SLC35D1: variants seen among roughly 807,000 people sequenced by gnomAD.
SLC35D1 encodes solute carrier family 35 member D1.
A neutral mutation model predicts 46.7 loss-of-function variants in SLC35D1; 31 were observed. The observed-to-expected ratio is 0.66, with a 90% CI of 0.50 to 0.90. The LOEUF (loss-of-function observed/expected upper bound fraction) is 0.90. Among genes scored for constraint, SLC35D1 ranks in the 40% least tolerant of loss-of-function variants. SLC35D1 has a pLI of 0.00. For synonymous variants in SLC35D1, 195 were observed against 164.6 expected (o/e 1.18, Z -1.41); for missense variants, 397 against 426.2 (o/e 0.93, Z 0.60).
At position 67,036,710 on chromosome 1, in the gene SLC35D1, C is replaced by CT. The variant is rs56674117; in HGVS notation, c.729+5525dup. Among the ~76,000 whole-genome samples, 182 of 144,448 alleles carry CT rather than the reference C, an allele frequency of 1.3e-3. 1 individual carries two copies. The East Asian group carries it at 0.02, about 16-fold the overall frequency. 94.8% of individuals were successfully genotyped at this position (144,448 alleles called of 152,430 possible). Reference sequence around the variant, plus strand: ...TCTTGTAAGCAACAGATCACTGGGTCTTTTTTTTTTTTTCTTTTTTTATCC... The same window carrying CT: ...TCTTGTAAGCAACAGATCACTGGGTCTTTTTTTTTTTTTTCTTTTTTTATCC... On this transcript the variant is annotated intron_variant, in intron 8 of 11. Coordinates refer to ENST00000235345, the MANE Select transcript of SLC35D1 (RefSeq NM_015139.3).
chr1:67,035,380 T>C (rs947244205), intron 8 of SLC35D1, among the ~76,000 whole-genome samples: 1 of 152,206 alleles, frequency 6.6e-6, no homozygotes, highest in African/African-American at 2.4e-5. Flanking sequence ...TCCTTGTTAC[T>C]GGTCTGTTCA....
At chr1:67,042,433 C>A (rs1645200551) in intron 7 of SLC35D1, 105 bp from the exon 8 acceptor site, 3 of 920,334 alleles carry the variant, frequency 3.3e-6, no homozygotes, top group Non-Finnish European at 5.5e-6. Flanking sequence ...AACACACACA[C>A]CCTCCCCTAC....
intron 10 of SLC35D1, among the ~76,000 whole-genome samples, chr1:67,011,386 T>A (rs572393973): frequency 6.6e-6 from 1 of 152,288 alleles, no homozygotes; most frequent in Admixed American, 6.5e-5. Context: ...AGCATAAGGA[T>A]AAAAATTTCT....
intron 10 of SLC35D1, among the ~76,000 whole-genome samples, chr1:67,012,276 C>G (rs745546318): frequency 2.0e-5 from 3 of 152,116 alleles, no homozygotes; most frequent in African/African-American, 7.2e-5. Flanking sequence ...TGGTGGTACC[C>G]CACATATCTG....
At chr1:67,006,958 C>A (rs560207024) in intron 11 of SLC35D1, among the ~76,000 whole-genome samples, 3 of 152,108 alleles carry the variant, frequency 2.0e-5, no homozygotes, top group African/African-American at 7.2e-5. Flanking sequence ...AGCTATGTGA[C>A]CCTGGGCAAA....
At position 67,004,257 on chromosome 1, in the gene SLC35D1, A is replaced by G. The variant is rs1405166338; in HGVS notation, c.*83T>C. The G allele has an allele frequency of 8.9e-7, 1 of 1,118,496 alleles. No individual in the cohort carries two copies. Among genetic ancestry groups the G allele is most frequent in the Non-Finnish European group, 1.4e-6 (1 of 732,170 alleles). 69.3% of individuals were successfully genotyped at this position (1,118,496 alleles called of 1,614,324 possible). The stretch of plus-strand genomic sequence containing the variant: ...TGGTTATTTCCTCCATAATCAAGAC[A>G]CCTCAGTGTCTCTGTAGGAACTGCC... On this transcript the variant is annotated 3_prime_UTR_variant, in exon 12 of 12. Coordinates refer to ENST00000235345, the MANE Select transcript of SLC35D1 (RefSeq NM_015139.3).
chr1:67,035,607 T>C (rs1448369880), intron 8 of SLC35D1, among the ~76,000 whole-genome samples: 1 of 151,548 alleles, frequency 6.6e-6, no homozygotes, highest in Admixed American at 6.6e-5. Context: ...GGCTAAAGGT[T>C]TGTCAATTTT....
chr1:67,014,256 C>T (rs1667632951), intron 10 of SLC35D1, among the ~76,000 whole-genome samples: 3 of 152,156 alleles, frequency 2.0e-5, no homozygotes, highest in African/African-American at 7.2e-5. Context: ...ATTCAAACTC[C>T]TTTTAAAAAA....
the SLC35D1 span, chr1:66,976,756 C>T: frequency 5.4e-6 from 8 of 1,488,602 alleles, no homozygotes; most frequent in African/African-American, 1.4e-5. Context: ...GCTATATATA[C>T]ATTTTTGCTA....
the SLC35D1 span, chr1:66,985,298 ACT>A: frequency 1.0e-6 from 1 of 985,352 alleles, no homozygotes. Flanking sequence ...TGAATGGGAA[ACT>A]CAAGTCCAAA....
chr1:67,046,958 C>G (rs1392801036), intron 7 of SLC35D1, among the ~76,000 whole-genome samples: 1 of 152,154 alleles, frequency 6.6e-6, no homozygotes, highest in African/African-American at 2.4e-5. Context: ...CCAGGTCCCT[C>G]GGAAAGTCCT....
At chr1:66,991,679 C>T in the SLC35D1 span, among the ~76,000 whole-genome samples, 19 of 152,326 alleles carry the variant, frequency 1.2e-4, no homozygotes, top group Non-Finnish European at 2.4e-4. Context: ...GCCCACAGTA[C>T]CTGGCCTTGC....
rs1667354475 is a variant in SLC35D1 at position 67,002,229 on chromosome 1, A to G, written c.*2111T>C. ...ATTTACAGCCAGAAGTGCATTATCAACTAAAGTCAGCCTGGAAGTGGGATA... is the reference window on the plus strand; with the variant it reads ...ATTTACAGCCAGAAGTGCATTATCAGCTAAAGTCAGCCTGGAAGTGGGATA... On this transcript the variant is annotated 3_prime_UTR_variant, in exon 12 of 12. Coordinates refer to ENST00000235345, the MANE Select transcript of SLC35D1 (RefSeq NM_015139.3). The G allele has an allele frequency of 6.6e-6, 1 of 152,346 alleles. No homozygotes were observed. Among genetic ancestry groups the G allele is most frequent in the Non-Finnish European group, 1.5e-5 (1 of 68,050 alleles). The allele number at this position is 152,346 out of a possible 1,614,324, so 9.4% of individuals were successfully genotyped here.
At chr1:66,978,395 T>C in the SLC35D1 span, among the ~76,000 whole-genome samples, 1 of 152,172 alleles carries the variant, frequency 6.6e-6, no homozygotes, top group Non-Finnish European at 1.5e-5. Flanking sequence ...TTGGAAATCA[T>C]GGGACAATGG....
intron 6 of SLC35D1, among the ~76,000 whole-genome samples, chr1:67,048,281 C>T (rs1476730640): frequency 6.6e-6 from 1 of 152,192 alleles, no homozygotes; most frequent in East Asian, 1.9e-4. Flanking sequence ...TAAGGCTGGT[C>T]CAGACAGTAA....
intron 11 of SLC35D1, 24 bp downstream of exon 11, chr1:67,009,061 A>G (rs777118141): frequency 6.0e-6 from 7 of 1,170,142 alleles, no homozygotes; most frequent in Non-Finnish European, 8.9e-6. Context: ...CGATTTTGCA[A>G]TTTAATTAAA....
At chr1:66,987,614 C>G in the SLC35D1 span, 1 of 152,560 alleles carries the variant, frequency 6.6e-6, no homozygotes. Context: ...TCCCTTCTCC[C>G]ATTCCTTGTC....
chr1:67,003,448 G>A lies in SLC35D1; in HGVS notation c.*892C>T, dbSNP rs529069585. On this transcript the variant is annotated 3_prime_UTR_variant, in exon 12 of 12. Transcript: ENST00000235345. ...TTCTTAATCCAATTTACAGATTTGC[G>A]GCTTTTGAGTGCTGAAACAACTTAC... The A allele has an allele frequency of 1.1e-4, 16 of 152,246 alleles. No homozygotes were observed. The highest frequency in any genetic ancestry group is 1.6e-4 in the Non-Finnish European group (11 of 68,012). The allele number at this position is 152,246 out of a possible 1,614,324, so 9.4% of individuals were successfully genotyped here. A position where few individuals can be genotyped will look rare whatever the true frequency, so the allele number is the denominator to read the frequency against.
chr1:67,053,663 C>T, intron 1 of SLC35D1, 148 bp downstream of exon 1: 1 of 726,018 alleles, frequency 1.4e-6, no homozygotes, highest in East Asian at 4.2e-5. Flanking sequence ...CTGCCCGGGC[C>T]GCGCGCGTCA....
Sources: allele counts gnomAD v4.1 joint callset (sites outside exome capture counted in the v4.1 genomes callset), GRCh38; gene constraint gnomAD v4.1.1; transcripts MANE v1.5; gene names NCBI Gene and HGNC (gene_info 2026-07-23, HGNC 2026-07-21).